Variants in RCAN2 observed in about 807,000 individuals in gnomAD.
RCAN2 encodes the protein calcipressin-2.
In RCAN2, 9 loss-of-function variants were observed where a neutral mutation model predicts 23.6. That is an observed-to-expected ratio of 0.38 (90% CI 0.23 to 0.67). The LOEUF (loss-of-function observed/expected upper bound fraction) is 0.67. RCAN2 is among the 30% of genes least tolerant of loss of function. The pLI is 0.51. For missense variants in RCAN2, 273 were observed against 302.3 expected, an observed-to-expected ratio of 0.90 and a Z score of 0.72; for synonymous variants, 109 against 115.7, an observed-to-expected ratio of 0.94 and a Z score of 0.37.
At chr6:46,387,930 A>G (rs1765804207) in intron 2 of RCAN2, among the ~76,000 whole-genome samples, 1 of 152,234 alleles carries the variant, frequency 6.6e-6, no homozygotes, top group Non-Finnish European at 1.5e-5. Context: ...GCCATAAAAA[A>G]GGATGAGTTC....
intron 2 of RCAN2, among the ~76,000 whole-genome samples, chr6:46,446,046 T>C (rs1359185911): frequency 1.3e-5 from 2 of 150,584 alleles, no homozygotes; most frequent in Non-Finnish European, 3.0e-5. Flanking sequence ...TGGAAAAATA[T>C]ACAAATATCC....
intron 2 of RCAN2, among the ~76,000 whole-genome samples, chr6:46,379,702 C>T (rs935827198): frequency 2.6e-5 from 4 of 152,170 alleles, no homozygotes; most frequent in African/African-American, 9.6e-5. Context: ...CTCTGTTCCT[C>T]GTTACCCGAC....
At chr6:46,329,570 C>G (rs1370129143) in intron 2 of RCAN2, among the ~76,000 whole-genome samples, 1 of 152,016 alleles carries the variant, frequency 6.6e-6, no homozygotes, top group African/African-American at 2.4e-5. Context: ...TCTAAAAAGG[C>G]AAGTAGAGAG....
chr6:46,308,664 C>A (rs899634588), intron 2 of RCAN2, among the ~76,000 whole-genome samples: 1 of 152,088 alleles, frequency 6.6e-6, no homozygotes, highest in Admixed American at 6.6e-5. Context: ...CTGGAGAAGA[C>A]CCATATTTAG....
intron 2 of RCAN2, among the ~76,000 whole-genome samples, chr6:46,394,314 A>G (rs1481517608): frequency 6.6e-6 from 1 of 152,222 alleles, no homozygotes; most frequent in African/African-American, 2.4e-5. Context: ...AGGACATCAG[A>G]GTCCTATGAT....
chr6:46,285,124 G>GCA (rs1244937589), intron 2 of RCAN2, among the ~76,000 whole-genome samples: 4 of 152,096 alleles, frequency 2.6e-5, no homozygotes, highest in African/African-American at 7.2e-5. Flanking sequence ...ACCTAGAAAT[G>GCA]CACACACACA....
At chr6:46,260,395 C>A (rs1767070501) in intron 2 of RCAN2, among the ~76,000 whole-genome samples, 1 of 152,168 alleles carries the variant, frequency 6.6e-6, no homozygotes, top group South Asian at 2.1e-4. Context: ...TAAGTCAACG[C>A]ACCCTATTAT....
intron 2 of RCAN2, among the ~76,000 whole-genome samples, chr6:46,251,839 T>C (rs1053995562): frequency 6.6e-6 from 1 of 152,094 alleles, no homozygotes; most frequent in African/African-American, 2.4e-5. Context: ...AAGTTAGAAT[T>C]GGCCGTTGAC....
In RCAN2 at chr6:46,425,572, T is replaced by A. The variant is rs149297303; in HGVS notation, c.225+31180A>T. Among the ~76,000 whole-genome samples the A allele has an allele frequency of 4.1e-3, 627 of 152,348 alleles. 5 individuals are homozygous for A. The highest frequency in any genetic ancestry group is 0.015 in the African/African-American group (604 of 41,568). ...AGAATTTTTTTAAAAAAAGATATTT[T>A]AATTTATTCTCCTATCTCTGCTGAT... On this transcript the variant is annotated intron_variant, in intron 2 of 4. Coordinates refer to ENST00000371374, the MANE Select transcript of RCAN2 (RefSeq NM_001251974.2).
At chr6:46,259,178 C>T (rs1767026840) in intron 2 of RCAN2, among the ~76,000 whole-genome samples, 1 of 151,490 alleles carries the variant, frequency 6.6e-6, no homozygotes, top group Admixed American at 6.6e-5. Context: ...CGAGTGAGAC[C>T]CTGTCTCAAA....
At chr6:46,229,441 G>A (rs1386214841) in intron 4 of RCAN2, among the ~76,000 whole-genome samples, 4 of 152,042 alleles carry the variant, frequency 2.6e-5, no homozygotes, top group South Asian at 4.1e-4. Context: ...TCACATAGTC[G>A]CTTATTTCTT....
chr6:46,334,988 A>G (rs1356085401), intron 2 of RCAN2, among the ~76,000 whole-genome samples: 1 of 152,202 alleles, frequency 6.6e-6, no homozygotes, highest in African/African-American at 2.4e-5. Context: ...GATGAAAATA[A>G]AAAGGGTGTT....
chr6:46,479,583 C>CTTTTT (rs57590590), intron 1 of RCAN2, among the ~76,000 whole-genome samples: 2 of 89,246 alleles, frequency 2.2e-5, no homozygotes, highest in Non-Finnish European at 4.3e-5. Context: ...TCTGTCTCAC[C>CTTTTT]TTTTTTTTTT....
intron 1 of RCAN2, among the ~76,000 whole-genome samples, chr6:46,470,937 C>T (rs1166094329): frequency 6.6e-6 from 1 of 152,186 alleles, no homozygotes; most frequent in Non-Finnish European, 1.5e-5. Flanking sequence ...CCTCATTCAC[C>T]ACTCCACCAG....
intron 2 of RCAN2, among the ~76,000 whole-genome samples, chr6:46,287,912 A>G (rs1199978953): frequency 6.6e-6 from 1 of 152,230 alleles, no homozygotes; most frequent in Non-Finnish European, 1.5e-5. Flanking sequence ...ACTAATTTGA[A>G]AAGTTACTCA....
intron 4 of RCAN2, among the ~76,000 whole-genome samples, chr6:46,225,489 A>G (rs1192544530): frequency 1.3e-5 from 2 of 152,156 alleles, no homozygotes; most frequent in Admixed American, 1.3e-4. Context: ...CTGGTGTGAG[A>G]TGGTATTTCA....
intron 2 of RCAN2, among the ~76,000 whole-genome samples, chr6:46,408,596 G>C (rs115478151): frequency 2.0e-5 from 3 of 152,134 alleles, no homozygotes; most frequent in Non-Finnish European, 2.9e-5. Context: ...TTTGGCTACA[G>C]ATTCCTGCCA....
chr6:46,355,493 T>C (rs1329909551), intron 2 of RCAN2, among the ~76,000 whole-genome samples: 1 of 152,182 alleles, frequency 6.6e-6, no homozygotes, highest in Non-Finnish European at 1.5e-5. Context: ...TTAAGATGTT[T>C]GTGATAATGT....
At chr6:46,372,663 C>T (rs1765353415) in intron 2 of RCAN2, among the ~76,000 whole-genome samples, 1 of 152,164 alleles carries the variant, frequency 6.6e-6, no homozygotes, top group African/African-American at 2.4e-5. Flanking sequence ...CCAGAAAGTG[C>T]CCTTGTCAAT....
Sources: allele counts gnomAD v4.1 joint callset (sites outside exome capture counted in the v4.1 genomes callset), GRCh38; gene constraint gnomAD v4.1.1; transcripts MANE v1.5; gene names NCBI Gene and HGNC (gene_info 2026-07-23, HGNC 2026-07-21).